Variants in ARHGEF3 observed in about 807,000 individuals in gnomAD.
The protein encoded by ARHGEF3 is Rho guanine nucleotide exchange factor 3, also known as 59.8 kDA protein.
Under a neutral mutation model 63.2 loss-of-function variants are expected in ARHGEF3, and 28 were observed. That is an observed-to-expected ratio of 0.44 (90% CI 0.33 to 0.61). The LOEUF (loss-of-function observed/expected upper bound fraction) is 0.61, where lower values mean the gene tolerates loss of function less well. ARHGEF3 is among the 20% of genes least tolerant of loss of function. The pLI is 0.03. For missense variants in ARHGEF3, 533 were observed against 659.3 expected (o/e 0.81, Z 2.10); for synonymous variants, 266 against 254.2 (o/e 1.05, Z -0.44).
intron 3 of ARHGEF3, among the ~76,000 whole-genome samples, chr3:56,934,384 G>A (rs983917444): frequency 1.1e-4 from 17 of 152,354 alleles, no homozygotes; most frequent in Admixed American, 7.2e-4. Context: ...GAGCCCTTCA[G>A]CCCACCACTG....
intron 1 of ARHGEF3, among the ~76,000 whole-genome samples, chr3:56,778,760 C>A (rs1042686243): frequency 6.6e-6 from 1 of 152,132 alleles, no homozygotes; most frequent in Admixed American, 6.5e-5. Context: ...GTCTCAAATT[C>A]CTGGGGTCAA....
At position 56,732,440 on chromosome 3, in the gene ARHGEF3, C is replaced by T; in HGVS notation, c.1042-16G>A. 1 of 1,613,884 alleles carries T rather than the reference C, an allele frequency of 6.2e-7. No individual in the cohort carries two copies. Among genetic ancestry groups the T allele is most frequent in the Middle Eastern group, 1.7e-4 (1 of 6,052 alleles). On this transcript the variant is annotated splice_polypyrimidine_tract_variant and intron_variant, in intron 8 of 9. Transcript: ENST00000296315. ...CATGCAGTTTCTAGAAGAAAAAAAT[C>T]CACAAGCTTTCATTAAGCAATAATG...
chr3:56,824,191 G>T (rs2038627013), intron 4 of ARHGEF3, among the ~76,000 whole-genome samples: 1 of 152,096 alleles, frequency 6.6e-6, no homozygotes, highest in African/African-American at 2.4e-5. Flanking sequence ...AGAATTCCAG[G>T]AATTAAGAAG....
chr3:57,035,535 G>A (rs1703916704), intron 1 of ARHGEF3, among the ~76,000 whole-genome samples: 1 of 152,200 alleles, frequency 6.6e-6, no homozygotes, highest in African/African-American at 2.4e-5. Flanking sequence ...TTTTAGTAAA[G>A]ACAGGGTTAG....
intron 3 of ARHGEF3, among the ~76,000 whole-genome samples, chr3:56,938,123 T>A (rs114284793): frequency 0.02 from 3,041 of 152,248 alleles, 106 homozygotes; most frequent in African/African-American, 0.066. Flanking sequence ...TACCGCTGGT[T>A]TTATTTCCAG....
At chr3:56,925,786 G>A (rs1303226829) in intron 3 of ARHGEF3, among the ~76,000 whole-genome samples, 1 of 152,206 alleles carries the variant, frequency 6.6e-6, no homozygotes, top group Non-Finnish European at 1.5e-5. Context: ...TTCAGGCAGT[G>A]ACTGAATACA....
chr3:56,947,804 C>G (rs1226124721), intron 3 of ARHGEF3, among the ~76,000 whole-genome samples: 11 of 152,156 alleles, frequency 7.2e-5, no homozygotes, highest in Admixed American at 5.9e-4. Flanking sequence ...GAACTCTCCA[C>G]CCCAAATCAA....
chr3:57,001,504 G>A (rs1294175542), intron 2 of ARHGEF3, among the ~76,000 whole-genome samples: 2 of 152,132 alleles, frequency 1.3e-5, no homozygotes, highest in East Asian at 3.9e-4. Context: ...AACTCAACAC[G>A]TTCCCAAGTT....
chr3:56,799,891 T>A (rs2037557306), intron 1 of ARHGEF3, among the ~76,000 whole-genome samples: 1 of 152,216 alleles, frequency 6.6e-6, no homozygotes, highest in Non-Finnish European at 1.5e-5. Flanking sequence ...AATAGTGATA[T>A]CTGAAAAATA....
chr3:57,045,245 T>C (rs9789984), intron 1 of ARHGEF3, among the ~76,000 whole-genome samples: 137,476 of 152,274 alleles, frequency 0.9, 63,703 homozygotes, highest in East Asian at 1. Context: ...CCAGCCTGGG[T>C]GATAAGAGCG....
At chr3:56,956,861 T>C (rs564804206) in intron 3 of ARHGEF3, among the ~76,000 whole-genome samples, 3 of 152,224 alleles carry the variant, frequency 2.0e-5, no homozygotes, top group African/African-American at 7.2e-5. Flanking sequence ...TGACTGTTAA[T>C]GTCAGCTATT....
At chr3:56,793,638 A>T (rs1402038836) in intron 1 of ARHGEF3, among the ~76,000 whole-genome samples, 1 of 152,212 alleles carries the variant, frequency 6.6e-6, no homozygotes, top group Non-Finnish European at 1.5e-5. Flanking sequence ...TTGCAACATC[A>T]GTTAGGTATA....
intron 4 of ARHGEF3, among the ~76,000 whole-genome samples, chr3:56,822,263 G>A (rs1051579796): frequency 1.3e-5 from 2 of 152,100 alleles, no homozygotes; most frequent in South Asian, 2.1e-4. Flanking sequence ...CCTTAAGATC[G>A]CACAGCTAGG....
At chr3:56,835,197 T>C (rs2039067690) in intron 4 of ARHGEF3, among the ~76,000 whole-genome samples, 2 of 152,140 alleles carry the variant, frequency 1.3e-5, no homozygotes, top group Admixed American at 1.3e-4. Flanking sequence ...TTTTTTGAGA[T>C]GAAGTCTTGC....
intron 1 of ARHGEF3, among the ~76,000 whole-genome samples, chr3:56,778,486 T>C (rs1319301889): frequency 6.6e-6 from 1 of 152,238 alleles, no homozygotes; most frequent in Non-Finnish European, 1.5e-5. Flanking sequence ...CTATATCATA[T>C]TAAACATTTA....
At chr3:56,896,198 T>A (rs2041296897) in intron 3 of ARHGEF3, among the ~76,000 whole-genome samples, 1 of 152,220 alleles carries the variant, frequency 6.6e-6, no homozygotes, top group Non-Finnish European at 1.5e-5. Flanking sequence ...TATAGAAGGT[T>A]TGCAAGTCCA....
intron 3 of ARHGEF3, among the ~76,000 whole-genome samples, chr3:56,946,714 T>C (rs2106642500): frequency 6.6e-6 from 1 of 152,276 alleles, no homozygotes; most frequent in East Asian, 1.9e-4. Context: ...CAGGATATTA[T>C]CCAGGAGAAC....
Position 56,751,359 on chromosome 3 carries a change from G to C in ARHGEF3, c.476C>G (p.Thr159Arg), listed in dbSNP as rs2034731934. 6 of 1,614,044 alleles carry C rather than the reference G, an allele frequency of 3.7e-6. No individual in the cohort carries two copies. The highest frequency in any genetic ancestry group is 5.1e-6 in the Non-Finnish European group (6 of 1,179,954). The change falls in exon 5 of 10, where the codon ACA (threonine) becomes AGA (arginine). Residue 159 changes from threonine to arginine, a missense_variant. Thr to Arg is a moderately conservative substitution (Grantham distance 71). This residue lies in a region of ARHGEF3 where 107 missense variants were observed against 207.9 expected (regional missense o/e 0.51). Coordinates refer to ENST00000296315, the MANE Select transcript of ARHGEF3 (RefSeq NM_019555.3). ...HDPMLKLSIM[T>R]EQELNQIFGT... ...AAAAATTTGATTCAACTCTTGTTCT[G>C]TCATTATGGAGAGTTTCAGCATGGG...
At chr3:56,922,431 T>C (rs568038372) in intron 3 of ARHGEF3, among the ~76,000 whole-genome samples, 2 of 144,342 alleles carry the variant, frequency 1.4e-5, no homozygotes, top group South Asian at 4.3e-4. Flanking sequence ...AAATGAGACT[T>C]ACTATTTGGC....
Sources: allele counts gnomAD v4.1 joint callset (sites outside exome capture counted in the v4.1 genomes callset), GRCh38; gene constraint gnomAD v4.1.1; regional missense constraint gnomAD v4.1.1; transcripts MANE v1.5; gene names NCBI Gene and HGNC (gene_info 2026-07-23, HGNC 2026-07-21).